The following ZNF438 variants were observed in gnomAD, a reference collection of about 807,000 sequenced individuals.
ZNF438 encodes the protein zinc finger protein 438.
A neutral mutation model predicts 38.0 loss-of-function variants in ZNF438; 25 were observed. The observed-to-expected ratio is 0.66, with a 90% CI of 0.48 to 0.92. The LOEUF is 0.92. Ranked by LOEUF, ZNF438 falls within the 40% of genes least tolerant of loss-of-function variation. The pLI, the probability that ZNF438 is intolerant of heterozygous loss-of-function variation, is 0.00. For missense variants in ZNF438, 1,007 were observed against 999.6 expected, an observed-to-expected ratio of 1.01 and a Z score of -0.10; for synonymous variants, 372 against 364.1, an observed-to-expected ratio of 1.02 and a Z score of -0.25.
chr10:30,947,964 T>C (rs2135690635), intron 1 of ZNF438, among the ~76,000 whole-genome samples: 1 of 152,244 alleles, frequency 6.6e-6, no homozygotes, highest in Middle Eastern at 3.4e-3. Context: ...AATGCAGAAA[T>C]CACCGTCTTC....
intron 1 of ZNF438, among the ~76,000 whole-genome samples, chr10:30,957,126 C>T (rs750122552): frequency 1.4e-4 from 21 of 152,130 alleles, no homozygotes; most frequent in Admixed American, 9.8e-4. Context: ...TTTTGATTTG[C>T]GTTTCCCTGA....
At position 30,973,072 on chromosome 10, in the gene ZNF438, C is replaced by T. The variant is rs532585343; in HGVS notation, c.-191-31421G>A. Among the ~76,000 whole-genome samples the T allele has an allele frequency of 9.2e-5, 14 of 152,186 alleles. No homozygotes were observed. The East Asian group carries it at 2.7e-3, about 29-fold the overall frequency. ...GACTCATTAATATAAAGCAGCTATA[C>T]CTACAAAAACATACAATAATGTTTC... On this transcript the variant is annotated intron_variant, in intron 1 of 5. Transcript: ENST00000413025.
chr10:30,929,640 T>C (rs897402645), intron 2 of ZNF438, among the ~76,000 whole-genome samples: 3 of 152,238 alleles, frequency 2.0e-5, no homozygotes, highest in African/African-American at 4.8e-5. Context: ...CCTGCTTTTA[T>C]TCCCTTATCT....
intron 1 of ZNF438, among the ~76,000 whole-genome samples, chr10:30,959,278 C>G (rs2049201502): frequency 6.8e-6 from 1 of 146,702 alleles, no homozygotes; most frequent in African/African-American, 2.4e-5. Flanking sequence ...GGAGCTTCAT[C>G]TAATGAGTTG....
At chr10:30,956,132 TTCAG>T (rs1435030091) in intron 1 of ZNF438, among the ~76,000 whole-genome samples, 3 of 152,216 alleles carry the variant, frequency 2.0e-5, no homozygotes, top group African/African-American at 7.2e-5. Context: ...AACACAGTTA[TTCAG>T]TCACTTTCTC....
At chr10:30,848,907 A>C (rs763239224) in exon 5 of ZNF438, 1 of 1,614,240 alleles carries the variant, frequency 6.2e-7, no homozygotes, top group Admixed American at 1.7e-5. Flanking sequence ...TTAATGCCAG[A>C]GAATCCATTT....
chr10:30,850,249 T>C lies in ZNF438; in HGVS notation c.156A>G (p.Pro52=), dbSNP rs765890154. The change falls in exon 5 of 6, where the codon CCA becomes CCG. Residue 52 remains proline, a synonymous_variant. Coordinates refer to ENST00000413025, the Ensembl canonical transcript of ZNF438. ...GATCAGAGCGTGATGGTGAATGACA[T>C]GGCAGCATTCTGGACGTTAGGACTT... is the stretch of plus-strand genomic sequence containing the variant. 9.3e-6 allele frequency: 15 copies of C among 1,614,164 alleles called. No individual in the cohort carries two copies. The South Asian group carries it at 1.5e-4, about 17-fold the overall frequency.
At chr10:31,011,538 AAG>A (rs1468121634) in intron 1 of ZNF438, among the ~76,000 whole-genome samples, 6 of 152,314 alleles carry the variant, frequency 3.9e-5, no homozygotes, top group African/African-American at 1.2e-4. Context: ...GCTGGTGAGG[AAG>A]AGAGTCAAAA....
intron 1 of ZNF438, among the ~76,000 whole-genome samples, chr10:30,952,189 G>A (rs2048290787): frequency 6.6e-6 from 1 of 151,574 alleles, no homozygotes; most frequent in South Asian, 2.1e-4. Context: ...GGGAAAACTG[G>A]CTAGACATAT....
chr10:31,006,910 C>G (rs1489860268), intron 1 of ZNF438, among the ~76,000 whole-genome samples: 2 of 151,786 alleles, frequency 1.3e-5, no homozygotes, highest in Non-Finnish European at 2.9e-5. Context: ...AGGTTGCACA[C>G]AGAATTAAGG....
rs368342217 is a variant in ZNF438, at chr10:30,926,454, T to C, written c.-115+15121A>G. On this transcript the variant is annotated intron_variant, in intron 2 of 5. Transcript: ENST00000413025. ...AGGCCGAGGCGAGTGGATCACAAAG[T>C]CAGGAGTTCGAGACTAGCCTGGCCA... 2.6e-5 allele frequency among the ~76,000 whole-genome samples: 4 copies of C among 152,170 alleles called. No individual in the cohort carries two copies. In the East Asian group the frequency reaches 7.7e-4, roughly 29 times the overall value.
intron 4 of ZNF438, among the ~76,000 whole-genome samples, chr10:30,851,687 T>C (rs945611743): frequency 6.6e-6 from 1 of 152,240 alleles, no homozygotes; most frequent in African/African-American, 2.4e-5. Context: ...CAAATGAAGA[T>C]TTTTAAATTG....
chr10:30,879,255 A>AGAAGG (rs1375704749), intron 3 of ZNF438, among the ~76,000 whole-genome samples: 2 of 152,244 alleles, frequency 1.3e-5, no homozygotes, highest in Admixed American at 6.5e-5. Flanking sequence ...TAGAGTACAC[A>AGAAGG]GAAGGGTCTT....
intron 4 of ZNF438, among the ~76,000 whole-genome samples, chr10:30,853,346 C>A (rs1283785784): frequency 2.0e-5 from 3 of 152,180 alleles, no homozygotes; most frequent in Non-Finnish European, 4.4e-5. Flanking sequence ...CTCTTCATCT[C>A]AGAGTAAAGC....
At chr10:30,967,640 T>C (rs2050268427) in intron 1 of ZNF438, among the ~76,000 whole-genome samples, 1 of 152,214 alleles carries the variant, frequency 6.6e-6, no homozygotes, top group African/African-American at 2.4e-5. Flanking sequence ...ACTAATATGT[T>C]ACTGCTCTGG....
intron 4 of ZNF438, among the ~76,000 whole-genome samples, chr10:30,865,278 A>C (rs951260275): frequency 6.6e-6 from 1 of 152,230 alleles, no homozygotes; most frequent in Non-Finnish European, 1.5e-5. Context: ...ATGAACTCAC[A>C]CATAGCAATG....
At chr10:30,982,106 T>TA (rs1180882434) in intron 1 of ZNF438, among the ~76,000 whole-genome samples, 1 of 150,418 alleles carries the variant, frequency 6.6e-6, no homozygotes, top group Admixed American at 6.6e-5. Flanking sequence ...TTTCTTTTTT[T>TA]TTTTTTTATT....
intron 3 of ZNF438, among the ~76,000 whole-genome samples, chr10:30,891,615 G>GATGT (rs1376345704): frequency 2.0e-5 from 3 of 152,082 alleles, no homozygotes; most frequent in Non-Finnish European, 4.4e-5. Flanking sequence ...GGGCCTTTCA[G>GATGT]ATGTATCAAT....
At chr10:30,870,065 T>A (rs2037144327) in intron 4 of ZNF438, among the ~76,000 whole-genome samples, 1 of 152,238 alleles carries the variant, frequency 6.6e-6, no homozygotes, top group African/African-American at 2.4e-5. Flanking sequence ...AAATTTATAA[T>A]GCACAAAGTC....
Sources: gnomAD v4.1 joint callset for allele counts (sites outside exome capture counted in the v4.1 genomes callset) on GRCh38, gnomAD v4.1.1 for gene constraint, MANE v1.5 for transcripts, NCBI Gene and HGNC (gene_info 2026-07-23, HGNC 2026-07-21) for gene names.